The following SMCHD1 variants were observed in gnomAD, a reference collection of about 807,000 sequenced individuals.
The protein encoded by SMCHD1 is structural maintenance of chromosomes flexible hinge domain-containing protein 1.
A neutral mutation model predicts 254.7 loss-of-function variants in SMCHD1; 78 were observed. That is an observed-to-expected ratio of 0.31 (90% CI 0.26 to 0.37). SMCHD1 has a LOEUF of 0.37. SMCHD1 is among the 10% of genes least tolerant of loss of function. SMCHD1 has a pLI of 1.00. For missense variants in SMCHD1, 1,840 were observed against 2,408.1 expected, an observed-to-expected ratio of 0.76 and a Z score of 4.94; for synonymous variants, 766 against 794.9, an observed-to-expected ratio of 0.96 and a Z score of 0.61.
At position 2,700,794 on chromosome 18, in the gene SMCHD1, G is replaced by T; in HGVS notation, c.1523G>T (p.Arg508Met). The T allele has an allele frequency of 6.2e-7, 1 of 1,613,296 alleles. No individual in the cohort carries two copies. The highest frequency in any genetic ancestry group is 8.5e-7 in the Non-Finnish European group (1 of 1,179,512). ...RGLAPIECYN[R>M]ISGALFTNDK... is the part of the protein sequence containing the mutation. ...CTTGCACCAATTGAATGCTACAATA[G>T]GATATCTGGTGCATTATTCACTAAT... Residue 508 changes from arginine to methionine, a missense_variant, in exon 12 of 48, where the codon AGG (arginine) becomes ATG (methionine). This residue lies in a region of SMCHD1 where 498 missense variants were observed against 743.5 expected (regional missense o/e 0.67). Coordinates refer to ENST00000320876, the MANE Select transcript of SMCHD1 (RefSeq NM_015295.3).
intron 37 of SMCHD1, 51 bp from the exon 38 acceptor site, chr18:2,769,642 TA>T: frequency 6.5e-7 from 1 of 1,538,564 alleles, no homozygotes; most frequent in South Asian, 1.2e-5. Flanking sequence ...TTATATGTTG[TA>T]AATTTTCTTT....
At chr18:2,692,888 G>T (rs1303951490) in intron 7 of SMCHD1, among the ~76,000 whole-genome samples, 4 of 152,160 alleles carry the variant, frequency 2.6e-5, no homozygotes, top group Non-Finnish European at 4.4e-5. Context: ...CCAAGTTGAG[G>T]CATAGGACTT....
Position 2,780,940 on chromosome 18 carries a change from T to C in SMCHD1, c.5547+2701T>C, listed in dbSNP as rs193043932. Among the ~76,000 whole-genome samples, 548 of 152,354 alleles carry C rather than the reference T, an allele frequency of 3.6e-3. 5 individuals are homozygous for C. Among genetic ancestry groups the C allele is most frequent in the Non-Finnish European group, 4.2e-3 (289 of 68,026 alleles). ...GCTAAAATGCTATTTCAGATATGTA[T>C]CTTAATGAACTGGCAAGAGAGTCAG... On this transcript the variant is annotated intron_variant, in intron 44 of 47. Coordinates refer to ENST00000320876, the MANE Select transcript of SMCHD1 (RefSeq NM_015295.3).
chr18:2,736,605 T>C (rs1423877114), intron 25 of SMCHD1, among the ~76,000 whole-genome samples: 1 of 99,258 alleles, frequency 1.0e-5, no homozygotes. Context: ...AGATAACTTG[T>C]TAAGAGAAGA....
At chr18:2,668,705 C>T (rs2073507853) in intron 3 of SMCHD1, among the ~76,000 whole-genome samples, 1 of 152,128 alleles carries the variant, frequency 6.6e-6, no homozygotes, top group Admixed American at 6.5e-5. Flanking sequence ...CAGTCCTTCT[C>T]TTCCTCCCAT....
At chr18:2,779,935 C>T (rs1289194555) in intron 44 of SMCHD1, among the ~76,000 whole-genome samples, 2 of 152,074 alleles carry the variant, frequency 1.3e-5, no homozygotes, top group South Asian at 2.1e-4. Context: ...TTCTTTGGGC[C>T]TCGTTAAGAA....
chr18:2,678,657 C>G (rs189106289), intron 5 of SMCHD1, among the ~76,000 whole-genome samples: 1 of 151,938 alleles, frequency 6.6e-6, no homozygotes, highest in Non-Finnish European at 1.5e-5. Context: ...ACCTTATTTT[C>G]TGTTTATTTC....
intron 45 of SMCHD1, among the ~76,000 whole-genome samples, chr18:2,789,728 A>T (rs896191706): frequency 6.6e-6 from 1 of 152,208 alleles, no homozygotes; most frequent in Non-Finnish European, 1.5e-5. Context: ...TCAAGTTATG[A>T]TGGGTTTATT....
chr18:2,761,924 CCTAA>C (rs1228216924), intron 35 of SMCHD1, among the ~76,000 whole-genome samples, 177 bp from the exon 36 acceptor site: 1 of 152,088 alleles, frequency 6.6e-6, no homozygotes, highest in Admixed American at 6.5e-5. Flanking sequence ...ATTAACCTGA[CCTAA>C]CTTTTTTATG....
chr18:2,710,569 T>G (rs1173076453), intron 17 of SMCHD1, among the ~76,000 whole-genome samples: 1 of 152,210 alleles, frequency 6.6e-6, no homozygotes, highest in East Asian at 1.9e-4. Flanking sequence ...ATACCAGGGT[T>G]TTTTTTATGG....
intron 20 of SMCHD1, 146 bp downstream of exon 20, chr18:2,722,809 C>A: frequency 1.5e-6 from 1 of 666,068 alleles, no homozygotes; most frequent in Non-Finnish European, 2.3e-6. Context: ...GGTAATTTAG[C>A]TCCAAGCTAT....
chr18:2,671,595 CTTTTTTTTTT>C (rs760647745), intron 3 of SMCHD1, among the ~76,000 whole-genome samples: 4 of 119,604 alleles, frequency 3.3e-5, no homozygotes, highest in African/African-American at 9.8e-5. Flanking sequence ...CTTTTCTTTT[CTTTTTTTTTT>C]TTTTTTTTGA....
chr18:2,694,578 C>A lies in SMCHD1; in HGVS notation c.925C>A (p.Leu309Ile). 6.2e-7 allele frequency: 1 copy of A among 1,608,528 alleles called. No homozygotes were observed. Reference sequence around the variant, plus strand: ...TGATGATGAAAGATTTCTACATCATCTTATCATAGAGGAGAAGGAAAAAGA... The same window carrying A: ...TGATGATGAAAGATTTCTACATCATATTATCATAGAGGAGAAGGAAAAAGA... ...TNDDERFLHH[L>I]IIEEKEKDSF... Residue 309 changes from leucine (L) to isoleucine (I), a missense_variant, in exon 8 of 48, where the codon CTT becomes ATT. Coordinates refer to ENST00000320876, the MANE Select transcript of SMCHD1 (RefSeq NM_015295.3).
intron 44 of SMCHD1, 110 bp downstream of exon 44, chr18:2,778,349 C>A: frequency 1.4e-6 from 1 of 706,368 alleles, no homozygotes; most frequent in Non-Finnish European, 2.3e-6. Flanking sequence ...AATTTAAATT[C>A]TGCAAATTGA....
chr18:2,666,759 CT>C (rs2073450794), intron 2 of SMCHD1, 110 bp from the exon 3 acceptor site: 1 of 888,426 alleles, frequency 1.1e-6, no homozygotes, highest in Non-Finnish European at 1.6e-6. Context: ...GGGGGTTTTT[CT>C]TTACCATCAT....
chr18:2,696,261 G>T (rs1163595851), intron 8 of SMCHD1, among the ~76,000 whole-genome samples: 5 of 152,118 alleles, frequency 3.3e-5, no homozygotes, highest in Non-Finnish European at 2.9e-5. Flanking sequence ...TAGAACAGGG[G>T]TCCCCAACGC....
intron 7 of SMCHD1, chr18:2,691,530 T>TA: frequency 6.6e-6 from 1 of 152,240 alleles, no homozygotes; most frequent in South Asian, 2.1e-4. Context: ...ATTTGCTACT[T>TA]ATGTCAAAAG....
At chr18:2,661,347 A>G (rs987079669) in intron 1 of SMCHD1, among the ~76,000 whole-genome samples, 3 of 152,094 alleles carry the variant, frequency 2.0e-5, no homozygotes, top group Non-Finnish European at 4.4e-5. Context: ...AAAAAAAAAA[A>G]AGATAGTTTG....
chr18:2,770,875 C>T (rs1324699632), intron 39 of SMCHD1, among the ~76,000 whole-genome samples: 5 of 152,132 alleles, frequency 3.3e-5, no homozygotes, highest in Non-Finnish European at 7.4e-5. Flanking sequence ...CCCACCTTGG[C>T]CCCCACAAAG....
Sources: gnomAD v4.1 joint callset for allele counts (sites outside exome capture counted in the v4.1 genomes callset) on GRCh38, gnomAD v4.1.1 for gene constraint, gnomAD v4.1.1 regional missense constraint, MANE v1.5 for transcripts, NCBI Gene and HGNC (gene_info 2026-07-23, HGNC 2026-07-21) for gene names.